Variants in SDK2 observed in about 807,000 individuals in gnomAD.
SDK2 encodes sidekick cell adhesion molecule 2.
SDK2 carries 105 observed loss-of-function variants against 253.9 expected under a neutral mutation model. The ratio of observed to expected loss-of-function variants is 0.41; its 90% CI spans 0.35 to 0.49. The LOEUF is 0.49. SDK2 is among the 20% of genes least tolerant of loss of function. The pLI is 0.06. For synonymous variants in SDK2, 1,249 were observed against 1,234.9 expected, an observed-to-expected ratio of 1.01 and a Z score of -0.24; for missense variants, 2,608 against 3,003.0, an observed-to-expected ratio of 0.87 and a Z score of 3.07.
Position 73,437,745 on chromosome 17 carries a change from C to T in SDK2, c.994G>A (p.Ala332Thr). 6.2e-7 allele frequency: 1 copy of T among 1,613,786 alleles called. No individual in the cohort carries two copies. The highest frequency in any genetic ancestry group is 8.5e-7 in the Non-Finnish European group (1 of 1,179,690). ...AGCGGTGCCACCTCATTACCTTTGG[C>T]CTGACAGGGGATGTCCACCACCTTC... is the stretch of plus-strand genomic sequence containing the variant. ...MEKVVDIPCQ[A>T]KGVPPPSITW... The change falls in exon 8 of 45, where the codon GCC becomes ACC. Residue 332 changes from alanine (A) to threonine (T), a missense_variant. By Grantham distance (58) the Ala-to-Thr change is moderately conservative. This residue lies in a region of SDK2 where 1,505 missense variants were observed against 1,859.1 expected (regional missense o/e 0.81). Coordinates refer to ENST00000392650, the MANE Select transcript of SDK2 (RefSeq NM_001144952.2).
intron 1 of SDK2, among the ~76,000 whole-genome samples, chr17:73,599,917 C>G (rs995035709): frequency 2.0e-5 from 3 of 152,254 alleles, no homozygotes; most frequent in African/African-American, 7.2e-5. Flanking sequence ...AACACAGTCA[C>G]TCTGTCTCAC....
At chr17:73,528,749 G>A (rs574955628) in intron 1 of SDK2, among the ~76,000 whole-genome samples, 1 of 152,222 alleles carries the variant, frequency 6.6e-6, no homozygotes, top group South Asian at 2.1e-4. Context: ...ATCTCTCTAC[G>A]GCTCATCTGC....
At chr17:73,475,234 C>T (rs921092027) in intron 2 of SDK2, among the ~76,000 whole-genome samples, 2 of 152,146 alleles carry the variant, frequency 1.3e-5, no homozygotes, top group Non-Finnish European at 2.9e-5. Context: ...TCACTGCAAC[C>T]TCCACCCACC....
intron 1 of SDK2, among the ~76,000 whole-genome samples, chr17:73,599,361 A>G (rs1383778573): frequency 1.3e-5 from 2 of 152,096 alleles, no homozygotes; most frequent in Non-Finnish European, 2.9e-5. Flanking sequence ...GCGAAACCCC[A>G]TCTCTACCAA....
chr17:73,615,825 CAT>C (rs987102829), intron 1 of SDK2, among the ~76,000 whole-genome samples: 7 of 152,154 alleles, frequency 4.6e-5, no homozygotes, highest in Non-Finnish European at 8.8e-5. Context: ...CATACATAAA[CAT>C]ATACACAAAT....
intron 1 of SDK2, among the ~76,000 whole-genome samples, chr17:73,536,724 C>T (rs1162763764): frequency 1.3e-5 from 2 of 152,232 alleles, no homozygotes; most frequent in East Asian, 1.9e-4. Flanking sequence ...TTCTGCCTCA[C>T]ATCCCCTGGC....
At chr17:73,370,185 C>T (rs1371135623) in intron 36 of SDK2, among the ~76,000 whole-genome samples, 1 of 152,190 alleles carries the variant, frequency 6.6e-6, no homozygotes, top group African/African-American at 2.4e-5. Flanking sequence ...GTATGGGTGG[C>T]AGTTAGGACA....
In SDK2 at chr17:73,420,918, C is replaced by T. The variant is rs766930594; in HGVS notation, c.2045+1369G>A. On this transcript the variant is annotated intron_variant, in intron 15 of 44. Transcript: ENST00000392650. ...CTCGAACTCCTGACCTCAAGTGATCCGCCCCCCTCAGCCTCCCAAAGTGCT... is the reference window on the plus strand; with the variant it reads ...CTCGAACTCCTGACCTCAAGTGATCTGCCCCCCTCAGCCTCCCAAAGTGCT... 5.9e-5 allele frequency among the ~76,000 whole-genome samples: 9 copies of T among 152,106 alleles called. No homozygotes were observed. In the East Asian group the frequency reaches 1.4e-3, roughly 23 times the overall value.
chr17:73,581,080 C>G (rs925454258), intron 1 of SDK2, among the ~76,000 whole-genome samples: 1 of 151,762 alleles, frequency 6.6e-6, no homozygotes, highest in African/African-American at 2.4e-5. Flanking sequence ...AGGGTCTCAT[C>G]ATGTTGCTCA....
intron 2 of SDK2, among the ~76,000 whole-genome samples, chr17:73,491,262 C>G (rs2063804568): frequency 6.6e-6 from 1 of 152,114 alleles, no homozygotes; most frequent in Non-Finnish European, 1.5e-5. Flanking sequence ...AAGCCCTGGC[C>G]CAGCAAAGCA....
At position 73,474,700 on chromosome 17, in the gene SDK2, C is replaced by T. The variant is rs113516534; in HGVS notation, c.225-2482G>A. On this transcript the variant is annotated intron_variant, in intron 2 of 44. Coordinates refer to ENST00000392650, the MANE Select transcript of SDK2 (RefSeq NM_001144952.2). ...CACCCTCAGCCCTCTCTCCTGTTTG[C>T]GTCCCCTCTCTCCCGAGGCGAGGGG... Among the ~76,000 whole-genome samples, 696 of 152,288 alleles carry T rather than the reference C, an allele frequency of 4.6e-3. 4 individuals are homozygous for T. The highest frequency in any genetic ancestry group is 0.016 in the African/African-American group (664 of 41,556).
chr17:73,367,380 C>T (rs2062694338), intron 37 of SDK2, among the ~76,000 whole-genome samples: 1 of 152,204 alleles, frequency 6.6e-6, no homozygotes, highest in African/African-American at 2.4e-5. Context: ...TGCAAGCCAC[C>T]TGGCTTTCTC....
At chr17:73,627,733 G>A (rs1462491988) in intron 1 of SDK2, among the ~76,000 whole-genome samples, 1 of 152,200 alleles carries the variant, frequency 6.6e-6, no homozygotes, top group Admixed American at 6.5e-5. Context: ...ACCCTCGAGT[G>A]TGAGGATGTT....
At chr17:73,365,462 C>T (rs2062676722) in intron 37 of SDK2, 67 bp from the exon 38 acceptor site, 5 of 1,489,188 alleles carry the variant, frequency 3.4e-6, no homozygotes, top group African/African-American at 1.4e-5. Flanking sequence ...GGGTTCAGCT[C>T]CAAGGAGCTA....
At chr17:73,637,643 G>C (rs2046348732) in intron 1 of SDK2, among the ~76,000 whole-genome samples, 1 of 152,198 alleles carries the variant, frequency 6.6e-6, no homozygotes, top group Non-Finnish European at 1.5e-5. Context: ...CCAAAGTGCT[G>C]GGATTACAGG....
At chr17:73,430,073 C>T (rs2063313901) in intron 12 of SDK2, among the ~76,000 whole-genome samples, 1 of 152,202 alleles carries the variant, frequency 6.6e-6, no homozygotes, top group South Asian at 2.1e-4. Flanking sequence ...GATCCCATAT[C>T]CGCCTGCCCA....
intron 34 of SDK2, among the ~76,000 whole-genome samples, chr17:73,380,259 G>T (rs938411853): frequency 1.4e-4 from 22 of 152,110 alleles, no homozygotes; most frequent in African/African-American, 4.8e-4. Flanking sequence ...TATGCAGCCT[G>T]GGTTGGTCAT....
Position 73,401,779 on chromosome 17 carries a change from C to A in SDK2, c.2681-27G>T. On this transcript the variant is annotated intron_variant, in intron 19 of 44. Coordinates refer to ENST00000392650, the MANE Select transcript of SDK2 (RefSeq NM_001144952.2). ...TGCACCCCAAAAGGAACCCCCACCC[C>A]CCAAGGCCAGTTAGAGCCAGAGAGA... is the stretch of plus-strand genomic sequence containing the variant. The A allele has an allele frequency of 4.5e-6, 7 of 1,549,570 alleles. No homozygotes were observed. The South Asian group carries it at 4.7e-5, about 10-fold the overall frequency.
At chr17:73,363,833 T>G (rs2062661535) in intron 38 of SDK2, among the ~76,000 whole-genome samples, 1 of 152,022 alleles carries the variant, frequency 6.6e-6, no homozygotes, top group South Asian at 2.1e-4. Flanking sequence ...TCTCGGGGAC[T>G]GCTGTCCTCT....
Sources: gnomAD v4.1 joint callset for allele counts (sites outside exome capture counted in the v4.1 genomes callset) on GRCh38, gnomAD v4.1.1 for gene constraint, gnomAD v4.1.1 regional missense constraint, MANE v1.5 for transcripts, NCBI Gene and HGNC (gene_info 2026-07-23, HGNC 2026-07-21) for gene names.